The following ULK4 variants were observed in gnomAD, a reference collection of about 807,000 sequenced individuals.
ULK4 encodes the protein unc-51 like kinase 4, also known as inactive serine/threonine-protein kinase ULK4.
A neutral mutation model predicts 160.6 loss-of-function variants in ULK4; 133 were observed. That is an observed-to-expected ratio of 0.83 (90% CI 0.72 to 0.96). The LOEUF (loss-of-function observed/expected upper bound fraction) is 0.96, where lower values mean the gene tolerates loss of function less well. Ranked by LOEUF, ULK4 falls within the 40% of genes least tolerant of loss-of-function variation. The probability of loss-of-function intolerance (pLI) is 0.00; values close to 1 mark genes in which losing one functional copy is unlikely to be tolerated. For missense variants in ULK4, 1,580 were observed against 1,499.5 expected, an observed-to-expected ratio of 1.05 and a Z score of -0.89; for synonymous variants, 534 against 539.8, an observed-to-expected ratio of 0.99 and a Z score of 0.15.
In ULK4 at chr3:41,524,363, C is replaced by T. The variant is rs12494029; in HGVS notation, c.3226+41662G>A. On this transcript the variant is annotated intron_variant, in intron 32 of 36. Coordinates refer to ENST00000301831, the MANE Select transcript of ULK4 (RefSeq NM_017886.4). ...CATTTACTAAACTAGTCTCCCCTTTCGTACTCCTCCACCTTCTTTCTCCCA... is the reference window on the plus strand; with the variant it reads ...CATTTACTAAACTAGTCTCCCCTTTTGTACTCCTCCACCTTCTTTCTCCCA... Among the ~76,000 whole-genome samples the T allele has an allele frequency of 3.3e-5, 5 of 152,296 alleles. No individual in the cohort carries two copies. The East Asian group carries it at 5.8e-4, about 18-fold the overall frequency.
At chr3:41,710,909 G>A (rs1023921672) in intron 25 of ULK4, among the ~76,000 whole-genome samples, 1 of 152,142 alleles carries the variant, frequency 6.6e-6, no homozygotes, top group Admixed American at 6.5e-5. Flanking sequence ...AAGCAGGTAG[G>A]AACAATTAAG....
At chr3:41,915,565 A>T (rs1009391911) in intron 8 of ULK4, 2 of 164,016 alleles carry the variant, frequency 1.2e-5, no homozygotes, top group African/African-American at 4.8e-5. Context: ...AGTGTCATAA[A>T]ACCTGTTTTT....
chr3:41,802,236 T>C (rs2040483634), intron 19 of ULK4, among the ~76,000 whole-genome samples: 1 of 152,102 alleles, frequency 6.6e-6, no homozygotes, highest in African/African-American at 2.4e-5. Context: ...AAAGTAAATA[T>C]GTGAATAAAT....
intron 35 of ULK4, among the ~76,000 whole-genome samples, chr3:41,317,528 A>C (rs963442461): frequency 5.9e-5 from 9 of 152,172 alleles, no homozygotes; most frequent in African/African-American, 2.2e-4. Context: ...ATGATAAATG[A>C]TCTAACACAA....
intron 32 of ULK4, among the ~76,000 whole-genome samples, chr3:41,562,150 T>C (rs764136813): frequency 1.3e-5 from 2 of 152,226 alleles, no homozygotes; most frequent in Non-Finnish European, 2.9e-5. Flanking sequence ...GCTTGTTCTG[T>C]TTCCATGTAG....
At chr3:41,817,361 T>C (rs1488635455) in intron 19 of ULK4, among the ~76,000 whole-genome samples, 4 of 152,164 alleles carry the variant, frequency 2.6e-5, no homozygotes, top group Non-Finnish European at 5.9e-5. Flanking sequence ...TGATTCCATA[T>C]CTTAGCTAAG....
intron 22 of ULK4, 126 bp from the exon 23 acceptor site, chr3:41,717,987 T>C (rs1349420169): frequency 8.7e-7 from 1 of 1,149,832 alleles, no homozygotes; most frequent in Non-Finnish European, 1.2e-6. Context: ...TTTAGATTTG[T>C]AGCAACTTGT....
rs2086991580 is a variant in ULK4 at position 41,549,648 on chromosome 3, C to T, written c.3226+16377G>A. Reference sequence around the variant, plus strand: ...GTAATAAAATAATAGCTGAAAAATTCCTAAGTCTTGCAAGATCTTTAGACT... The same window carrying T: ...GTAATAAAATAATAGCTGAAAAATTTCTAAGTCTTGCAAGATCTTTAGACT... On this transcript the variant is annotated intron_variant, in intron 32 of 36. Coordinates refer to ENST00000301831, the MANE Select transcript of ULK4 (RefSeq NM_017886.4). Among the ~76,000 whole-genome samples, 10 of 152,134 alleles carry T rather than the reference C, an allele frequency of 6.6e-5. No individual in the cohort carries two copies. In the South Asian group the frequency reaches 1.7e-3, roughly 25 times the overall value.
intron 16 of ULK4, among the ~76,000 whole-genome samples, chr3:41,884,858 A>G (rs548116031): frequency 6.6e-6 from 1 of 152,360 alleles, no homozygotes; most frequent in African/African-American, 2.4e-5. Flanking sequence ...AAATTAAAGA[A>G]GTCCTAGGCA....
chr3:41,832,302 C>T (rs1401425339), intron 18 of ULK4, among the ~76,000 whole-genome samples: 1 of 152,176 alleles, frequency 6.6e-6, no homozygotes, highest in Non-Finnish European at 1.5e-5. Flanking sequence ...TGATAATGAG[C>T]TTTTTTTCAT....
chr3:41,755,325 CTA>C (rs1316502521), intron 21 of ULK4, among the ~76,000 whole-genome samples: 2 of 152,096 alleles, frequency 1.3e-5, no homozygotes, highest in East Asian at 1.9e-4. Flanking sequence ...CTATTTGGTG[CTA>C]TGTTTCCAGG....
chr3:41,425,402 C>T (rs1334600413), intron 34 of ULK4, among the ~76,000 whole-genome samples: 2 of 152,126 alleles, frequency 1.3e-5, no homozygotes, highest in African/African-American at 4.8e-5. Flanking sequence ...AGAACTTCCC[C>T]AACCTATCCA....
At chr3:41,893,458 G>C (rs1045916970) in intron 16 of ULK4, among the ~76,000 whole-genome samples, 1 of 151,924 alleles carries the variant, frequency 6.6e-6, no homozygotes, top group Non-Finnish European at 1.5e-5. Context: ...ACATTGACTG[G>C]GATTATATAT....
At chr3:41,626,022 C>T (rs1002058989) in intron 30 of ULK4, among the ~76,000 whole-genome samples, 3 of 152,108 alleles carry the variant, frequency 2.0e-5, no homozygotes, top group African/African-American at 7.2e-5. Flanking sequence ...GACCACTTTA[C>T]CCTGGGGTTG....
intron 31 of ULK4, among the ~76,000 whole-genome samples, chr3:41,605,235 T>C (rs752632065): frequency 6.6e-6 from 1 of 151,352 alleles, no homozygotes; most frequent in Non-Finnish European, 1.5e-5. Flanking sequence ...AATAGAAAAC[T>C]AGTAGTAAGA....
chr3:41,471,934 C>CAAAA (rs201968512), intron 32 of ULK4, among the ~76,000 whole-genome samples: 13 of 131,096 alleles, frequency 9.9e-5, no homozygotes, highest in African/African-American at 3.2e-4. Context: ...TGTTATATCT[C>CAAAA]AAAAAAAAAA....
intron 32 of ULK4, among the ~76,000 whole-genome samples, chr3:41,521,403 T>C (rs1644073745): frequency 6.6e-6 from 1 of 152,024 alleles, no homozygotes; most frequent in Admixed American, 6.6e-5. Flanking sequence ...AAACACAACA[T>C]CATCATTTTG....
At chr3:41,827,935 A>C (rs35728523) in intron 18 of ULK4, among the ~76,000 whole-genome samples, 46,521 of 151,370 alleles carry the variant, frequency 0.31, 10,383 homozygotes, top group African/African-American at 0.63. Flanking sequence ...GCAGCACATC[A>C]AAAAGCTTAT....
chr3:41,690,537 T>C (rs1403354464), intron 27 of ULK4, among the ~76,000 whole-genome samples: 1 of 151,778 alleles, frequency 6.6e-6, no homozygotes, highest in Non-Finnish European at 1.5e-5. Context: ...TTCTGCTGCC[T>C]AACTTTTTGG....
Sources: allele counts gnomAD v4.1 joint callset (sites outside exome capture counted in the v4.1 genomes callset), GRCh38; gene constraint gnomAD v4.1.1; transcripts MANE v1.5; gene names NCBI Gene and HGNC (gene_info 2026-07-23, HGNC 2026-07-21).